Variants in ADAMTSL1 observed in about 807,000 individuals in gnomAD.
ADAMTSL1 encodes ADAMTS like 1, also known as ADAMTS-like protein 1.
In ADAMTSL1, 126 loss-of-function variants were observed where a neutral mutation model predicts 201.8. The observed-to-expected ratio is 0.62, with a 90% CI of 0.54 to 0.72. The LOEUF is 0.72. Ranked by LOEUF, ADAMTSL1 falls within the 30% of genes least tolerant of loss-of-function variation. The probability of loss-of-function intolerance (pLI) is 0.00; values close to 1 mark genes in which losing one functional copy is unlikely to be tolerated. For missense variants in ADAMTSL1, 2,679 were observed against 2,277.8 expected (o/e 1.18, Z -3.59); for synonymous variants, 1,121 against 903.4 (o/e 1.24, Z -4.32).
chr9:18,471,829 G>A (rs147249266), upstream of ADAMTSL1, among the ~76,000 whole-genome samples: 3 of 152,242 alleles, frequency 2.0e-5, no homozygotes, highest in East Asian at 5.8e-4. Context: ...ACATTAGCAT[G>A]CCCATTAAAA....
At chr9:17,944,351 G>A (rs1172082247) in intron 1 of ADAMTSL1, among the ~76,000 whole-genome samples, 2 of 152,046 alleles carry the variant, frequency 1.3e-5, no homozygotes, top group African/African-American at 4.8e-5. Context: ...CATGCTCATG[G>A]GTAGGAAGAA....
rs77433928 is a variant in ADAMTSL1, at chr9:18,495,745, T to C, written c.64-9084T>C. 0.013 allele frequency among the ~76,000 whole-genome samples: 2,004 copies of C among 152,268 alleles called. 157 individuals are homozygous for C. In the East Asian group the frequency reaches 0.23, roughly 18 times the overall value. ...TACAGAGTTTTTGATGGACTTCATCTCCTAGTGTGTGTGTGTGAAGGTGGG... is the reference window on the plus strand; with the variant it reads ...TACAGAGTTTTTGATGGACTTCATCCCCTAGTGTGTGTGTGTGAAGGTGGG... On this transcript the variant is annotated intron_variant, in intron 1 of 28. Coordinates refer to ENST00000380548, the MANE Select transcript of ADAMTSL1 (RefSeq NM_001040272.6).
At chr9:18,639,171 C>A (rs1047075664) in intron 6 of ADAMTSL1, 83 bp from the exon 7 acceptor site, 39 of 1,394,578 alleles carry the variant, frequency 2.8e-5, no homozygotes, top group Non-Finnish European at 3.6e-5. Flanking sequence ...TTACCTAGCT[C>A]TAAACATTGT....
chr9:18,021,271 A>G (rs1226890896), intron 1 of ADAMTSL1, among the ~76,000 whole-genome samples: 3 of 152,166 alleles, frequency 2.0e-5, no homozygotes, highest in South Asian at 2.1e-4. Flanking sequence ...GCAAATCTTT[A>G]TGTTAACACT....
chr9:17,931,731 C>A (rs946095286), intron 1 of ADAMTSL1, among the ~76,000 whole-genome samples: 1 of 152,038 alleles, frequency 6.6e-6, no homozygotes, highest in Admixed American at 6.6e-5. Flanking sequence ...GAACACTCGT[C>A]CAAAAGCAGA....
At chr9:18,716,275 G>T (rs1832923739) in intron 14 of ADAMTSL1, among the ~76,000 whole-genome samples, 1 of 151,910 alleles carries the variant, frequency 6.6e-6, no homozygotes, top group Non-Finnish European at 1.5e-5. Context: ...CACAGCAAAA[G>T]AAACTACCAG....
chr9:18,849,514 G>A (rs749922137), intron 23 of ADAMTSL1, among the ~76,000 whole-genome samples: 1 of 152,198 alleles, frequency 6.6e-6, no homozygotes, highest in Admixed American at 6.5e-5. Context: ...AGCAAGTTCT[G>A]ATGGTCAAAG....
chr9:18,032,501 G>T (rs1269186031), intron 1 of ADAMTSL1, among the ~76,000 whole-genome samples: 2 of 152,166 alleles, frequency 1.3e-5, no homozygotes, highest in Non-Finnish European at 2.9e-5. Context: ...GGCAGTTTTG[G>T]GAGGGGTTGG....
At chr9:18,136,056 T>C (rs1826144339) in intron 1 of ADAMTSL1, among the ~76,000 whole-genome samples, 1 of 152,178 alleles carries the variant, frequency 6.6e-6, no homozygotes, top group Non-Finnish European at 1.5e-5. Flanking sequence ...TCTTACTCTG[T>C]AACCCATGCC....
chr9:18,677,667 A>G (rs1426226057), intron 10 of ADAMTSL1, among the ~76,000 whole-genome samples: 2 of 151,944 alleles, frequency 1.3e-5, no homozygotes, highest in African/African-American at 4.8e-5. Flanking sequence ...GTTAAAATTG[A>G]TTTCTTATAG....
At chr9:17,948,655 C>G (rs1436341598) in intron 1 of ADAMTSL1, among the ~76,000 whole-genome samples, 1 of 152,168 alleles carries the variant, frequency 6.6e-6, no homozygotes, top group Non-Finnish European at 1.5e-5. Context: ...CCGAGTGTCT[C>G]CCATGCTAAT....
At chr9:18,498,338 C>CCTTTT (rs1822637361) in intron 1 of ADAMTSL1, among the ~76,000 whole-genome samples, 3 of 141,020 alleles carry the variant, frequency 2.1e-5, no homozygotes, top group Non-Finnish European at 3.1e-5. Context: ...CCCCCACCCC[C>CCTTTT]TTTTTTTTTT....
chr9:18,345,400 C>G (rs1835669911), intron 2 of ADAMTSL1, among the ~76,000 whole-genome samples: 1 of 126,062 alleles, frequency 7.9e-6, no homozygotes, highest in African/African-American at 2.9e-5. Context: ...CATCAGAATC[C>G]TCTATTTCAG....
At chr9:17,936,976 C>A (rs151110679) in intron 1 of ADAMTSL1, among the ~76,000 whole-genome samples, 1 of 152,048 alleles carries the variant, frequency 6.6e-6, no homozygotes, top group African/African-American at 2.4e-5. Flanking sequence ...TACCTGCCAG[C>A]CATGCAGGAT....
intron 2 of ADAMTSL1, among the ~76,000 whole-genome samples, chr9:18,209,608 C>CT (rs1829789312): frequency 6.6e-6 from 1 of 152,174 alleles, no homozygotes; most frequent in Admixed American, 6.5e-5. Context: ...ATTATCATAG[C>CT]TTTTCTAATT....
At chr9:18,503,198 T>G (rs1252566356) in intron 1 of ADAMTSL1, among the ~76,000 whole-genome samples, 1 of 151,514 alleles carries the variant, frequency 6.6e-6, no homozygotes, top group Non-Finnish European at 1.5e-5. Flanking sequence ...ATAAAACAAC[T>G]CCCCATTCCC....
chr9:18,136,377 G>A (rs191956097), intron 1 of ADAMTSL1, among the ~76,000 whole-genome samples: 37 of 152,222 alleles, frequency 2.4e-4, no homozygotes, highest in Admixed American at 2.4e-3. Context: ...ATTTAAGCAA[G>A]AGTGGCCTAT....
At position 18,511,007 on chromosome 9, in the gene ADAMTSL1, T is replaced by G. The variant is rs116225422; in HGVS notation, c.191+6051T>G. Among the ~76,000 whole-genome samples, 1,445 of 152,262 alleles carry G rather than the reference T, an allele frequency of 9.5e-3. 25 individuals are homozygous for G. The highest frequency in any genetic ancestry group is 0.033 in the African/African-American group (1,365 of 41,544). On this transcript the variant is annotated intron_variant, in intron 2 of 28. Coordinates refer to ENST00000380548, the MANE Select transcript of ADAMTSL1 (RefSeq NM_001040272.6). ...CAGCCAGCTAATTTAGCTTTGCTCA[T>G]AAGAAGTTCCAAATGCATAAGACAG...
At chr9:18,186,772 G>T (rs938170132) in intron 2 of ADAMTSL1, among the ~76,000 whole-genome samples, 1 of 151,780 alleles carries the variant, frequency 6.6e-6, no homozygotes, top group African/African-American at 2.4e-5. Flanking sequence ...CTTGGTCATT[G>T]GTCATGCTGG....
Sources: gnomAD v4.1 joint callset for allele counts (sites outside exome capture counted in the v4.1 genomes callset) on GRCh38, gnomAD v4.1.1 for gene constraint, MANE v1.5 for transcripts, NCBI Gene and HGNC (gene_info 2026-07-23, HGNC 2026-07-21) for gene names.